Variants in CACNG4 observed in about 807,000 individuals in gnomAD.
The protein encoded by CACNG4 is voltage-dependent calcium channel gamma-4 subunit.
In CACNG4, 8 loss-of-function variants were observed where a neutral mutation model predicts 22.9. That is an observed-to-expected ratio of 0.35 (90% CI 0.21 to 0.63). The LOEUF (loss-of-function observed/expected upper bound fraction) is 0.63, where lower values mean the gene tolerates loss of function less well. CACNG4 is among the 30% of genes least tolerant of loss of function. The pLI is 0.72. For missense variants in CACNG4, 357 were observed against 455.4 expected, an observed-to-expected ratio of 0.78 and a Z score of 1.97; for synonymous variants, 188 against 191.9, an observed-to-expected ratio of 0.98 and a Z score of 0.17.
chr17:67,007,667 A>G (rs2035445632), intron 1 of CACNG4, among the ~76,000 whole-genome samples: 1 of 152,130 alleles, frequency 6.6e-6, no homozygotes, highest in Admixed American at 6.5e-5. Context: ...CTGAATACCT[A>G]TGGAACCAGA....
intron 3 of CACNG4, 74 bp downstream of exon 3, chr17:67,025,074 C>T: frequency 7.1e-7 from 1 of 1,412,466 alleles, no homozygotes; most frequent in Non-Finnish European, 9.4e-7. Flanking sequence ...GTGGTCCCCA[C>T]TGCCAGGCAG....
Position 67,030,960 on chromosome 17 carries a change from G to A in CACNG4, c.940G>A (p.Gly314Ser), listed in dbSNP as rs893913240. The change falls in exon 4 of 4, where the codon GGT becomes AGT. Residue 314 changes from glycine to serine, a missense_variant. Physicochemically the swap from Gly to Ser is moderately conservative, Grantham distance 56. Coordinates refer to ENST00000262138, the MANE Select transcript of CACNG4 (RefSeq NM_014405.4). The surrounding 1 kb of genome is among the most constrained non-coding windows in gnomAD (Gnocchi z 6.4). ...CTTTTTCCAGCAGGACCTGAAGGAA[G>A]GTTTCCACGTCAGCATGCTGAACCG... Reference protein sequence around the residue: ...HDFFQQDLKEGFHVSMLNRRT... With the variant: ...HDFFQQDLKESFHVSMLNRRT... 2 of 1,613,720 alleles carry A rather than the reference G, an allele frequency of 1.2e-6. No homozygotes were observed. Among genetic ancestry groups the A allele is most frequent in the African/African-American group, 2.7e-5 (2 of 74,938 alleles).
intron 1 of CACNG4, among the ~76,000 whole-genome samples, chr17:67,013,019 C>T (rs1162853054): frequency 1.3e-5 from 2 of 152,214 alleles, no homozygotes; most frequent in Non-Finnish European, 2.9e-5. Flanking sequence ...TGACGATGGC[C>T]TCAGGTGGCC....
At chr17:67,022,319 C>G (rs1012008002) in intron 2 of CACNG4, among the ~76,000 whole-genome samples, 1 of 152,200 alleles carries the variant, frequency 6.6e-6, no homozygotes, top group African/African-American at 2.4e-5. Context: ...AAGTGATCCA[C>G]TCACCTCGGG....
chr17:66,996,752 C>G (rs2035377736), intron 1 of CACNG4, among the ~76,000 whole-genome samples: 1 of 152,182 alleles, frequency 6.6e-6, no homozygotes, highest in African/African-American at 2.4e-5. Flanking sequence ...ACAAGTCAGT[C>G]TCAGATCCAG....
At chr17:66,968,057 C>T (rs1172765127) in intron 1 of CACNG4, among the ~76,000 whole-genome samples, 2 of 152,180 alleles carry the variant, frequency 1.3e-5, no homozygotes, top group African/African-American at 4.8e-5. Context: ...CGTGGCCTGC[C>T]CATGACAGCC....
Position 66,964,898 on chromosome 17 carries a change from A to C in CACNG4, c.-14A>C. The C allele has an allele frequency of 6.8e-7, 1 of 1,464,876 alleles. No individual in the cohort carries two copies. 90.7% of individuals were successfully genotyped at this position (1,464,876 alleles called of 1,614,324 possible). On this transcript the variant is annotated 5_prime_UTR_variant, in exon 1 of 4. It removes an upstream start codon present in the reference 5' UTR. Coordinates refer to ENST00000262138, the MANE Select transcript of CACNG4 (RefSeq NM_014405.4). ...GGGCCGGGCCGGCGGGCGGCGGACT[A>C]TGAGGCGCCCACCATGGTGCGATGC... is the stretch of plus-strand genomic sequence containing the variant.
intron 1 of CACNG4, among the ~76,000 whole-genome samples, chr17:66,999,064 C>T (rs923507605): frequency 6.6e-6 from 1 of 152,106 alleles, no homozygotes; most frequent in Non-Finnish European, 1.5e-5. Context: ...GGGTTCTAGT[C>T]CCAGCCCTGC....
chr17:67,006,433 C>T (rs899444122), intron 1 of CACNG4, among the ~76,000 whole-genome samples: 1 of 152,226 alleles, frequency 6.6e-6, no homozygotes, highest in East Asian at 1.9e-4. Flanking sequence ...GCAGCCCCAC[C>T]TGCTTACTCA....
At chr17:66,978,553 A>G (rs1014180552) in intron 1 of CACNG4, among the ~76,000 whole-genome samples, 1 of 152,140 alleles carries the variant, frequency 6.6e-6, no homozygotes, top group Non-Finnish European at 1.5e-5. Flanking sequence ...CAGGACACCC[A>G]GGCTCCCTTC....
intron 2 of CACNG4, among the ~76,000 whole-genome samples, chr17:67,022,615 C>A (rs947524966): frequency 6.6e-6 from 1 of 152,264 alleles, no homozygotes; most frequent in African/African-American, 2.4e-5. Flanking sequence ...AGGAGACAAA[C>A]CCTGCCTTCA....
In CACNG4 at chr17:67,027,870, A is replaced by G. The variant is rs2035577428; in HGVS notation, c.446-2596A>G. On this transcript the variant is annotated intron_variant, in intron 3 of 3. Transcript: ENST00000262138. This position sits in a 1 kb window ranked among gnomAD's most constrained non-coding sequence, Gnocchi z 4.3. The stretch of plus-strand genomic sequence containing the variant: ...CCTGTCTCTACCAAAAAATACAAAA[A>G]TTAGCTGGGTTTGGTGGCAGGTGCC... 6.6e-6 allele frequency among the ~76,000 whole-genome samples: 1 copy of G among 152,042 alleles called. No homozygotes were observed. Among genetic ancestry groups the G allele is most frequent in the Non-Finnish European group, 1.5e-5 (1 of 68,010 alleles).
At chr17:66,980,415 T>C (rs4790897) in intron 1 of CACNG4, among the ~76,000 whole-genome samples, 33,450 of 152,094 alleles carry the variant, frequency 0.22, 6,634 homozygotes, top group African/African-American at 0.53. Context: ...TTTTTCTGCC[T>C]GAGTCAGATG....
At chr17:66,989,890 A>AT (rs2035328634) in intron 1 of CACNG4, among the ~76,000 whole-genome samples, 1 of 145,480 alleles carries the variant, frequency 6.9e-6, no homozygotes, top group Non-Finnish European at 1.5e-5. Context: ...CAACATGAAA[A>AT]TTTTTTCTTT....
At chr17:66,979,500 G>A (rs1326477045) in intron 1 of CACNG4, among the ~76,000 whole-genome samples, 2 of 152,192 alleles carry the variant, frequency 1.3e-5, no homozygotes, top group Admixed American at 1.3e-4. Flanking sequence ...AGATGTGACT[G>A]TACCAGTGGC....
intron 1 of CACNG4, among the ~76,000 whole-genome samples, chr17:66,989,771 G>T (rs62072224): frequency 6.6e-6 from 1 of 151,362 alleles, no homozygotes; most frequent in Non-Finnish European, 1.5e-5. Context: ...CTAAGAACAT[G>T]TATGTGTCAC....
At chr17:66,981,175 G>C (rs1337585957) in intron 1 of CACNG4, among the ~76,000 whole-genome samples, 1 of 152,108 alleles carries the variant, frequency 6.6e-6, no homozygotes, top group Non-Finnish European at 1.5e-5. Context: ...GTTACCTTCT[G>C]TTCTTAGCAA....
chr17:67,006,619 T>C (rs1455828437), intron 1 of CACNG4, among the ~76,000 whole-genome samples: 2 of 152,166 alleles, frequency 1.3e-5, no homozygotes, highest in Non-Finnish European at 2.9e-5. Context: ...TTGTCCCTTA[T>C]TCTTTGAAAT....
intron 1 of CACNG4, among the ~76,000 whole-genome samples, chr17:66,993,240 T>A (rs2035352988): frequency 6.6e-6 from 1 of 152,246 alleles, no homozygotes; most frequent in Admixed American, 6.5e-5. Context: ...AGGTTTTCCA[T>A]CATTTATTAA....
Sources: gnomAD v4.1 joint callset for allele counts (sites outside exome capture counted in the v4.1 genomes callset) on GRCh38, gnomAD v4.1.1 for gene constraint, Gnocchi (gnomAD v3.1) non-coding constraint, MANE v1.5 for transcripts, NCBI Gene and HGNC (gene_info 2026-07-23, HGNC 2026-07-21) for gene names.